AHCTF1: variants seen among roughly 807,000 people sequenced by gnomAD.
The protein encoded by AHCTF1 is AT-hook containing transcription factor 1, also known as protein ELYS.
Under a neutral mutation model 248.4 loss-of-function variants are expected in AHCTF1, and 24 were observed. The ratio of observed to expected loss-of-function variants is 0.10; its 90% confidence interval spans 0.07 to 0.14. The LOEUF is 0.14. AHCTF1 is among the 10% of genes least tolerant of loss of function. The probability of loss-of-function intolerance (pLI) is 1.00; values close to 1 mark genes in which losing one functional copy is unlikely to be tolerated. For synonymous variants in AHCTF1, 786 were observed against 929.8 expected (o/e 0.85, Z 2.81); for missense variants, 2,206 against 2,636.2 (o/e 0.84, Z 3.57).
intron 30 of AHCTF1, among the ~76,000 whole-genome samples, chr1:246,857,442 T>C (rs1297945166): frequency 6.6e-6 from 1 of 152,178 alleles, no homozygotes; most frequent in Non-Finnish European, 1.5e-5. Flanking sequence ...ATCTTGGTCT[T>C]CAACAAAAAC....
chr1:246,924,868 G>GGGT (rs10682985), intron 1 of AHCTF1, among the ~76,000 whole-genome samples: 83,957 of 151,548 alleles, frequency 0.55, 23,920 homozygotes, highest in African/African-American at 0.68. Flanking sequence ...CTAATATAAA[G>GGGT]GTGTGCATCA....
intron 21 of AHCTF1, among the ~76,000 whole-genome samples, chr1:246,878,684 T>C (rs1302084303): frequency 6.6e-6 from 1 of 152,178 alleles, no homozygotes; most frequent in Admixed American, 6.5e-5. Context: ...AATGGCAAGA[T>C]TGCACTGCCC....
At chr1:246,892,492 T>C (rs1306887729) in intron 14 of AHCTF1, among the ~76,000 whole-genome samples, 2 of 151,872 alleles carry the variant, frequency 1.3e-5, no homozygotes, top group Non-Finnish European at 2.9e-5. Flanking sequence ...AGCTAATTTT[T>C]GTATTTTTAG....
intron 1 of AHCTF1, among the ~76,000 whole-genome samples, chr1:246,921,639 T>C (rs1048599923): frequency 3.9e-5 from 6 of 152,034 alleles, no homozygotes; most frequent in African/African-American, 9.7e-5. Flanking sequence ...ATTCCCTGAG[T>C]CAGGAAGTCC....
At chr1:246,867,849 A>G (rs1174902889) in intron 24 of AHCTF1, 38 bp from the exon 25 acceptor site, 2 of 1,544,646 alleles carry the variant, frequency 1.3e-6, no homozygotes, top group Non-Finnish European at 1.8e-6. Context: ...GTGCATCTCT[A>G]ACAAACGGGA....
intron 7 of AHCTF1, 111 bp downstream of exon 7, chr1:246,903,838 A>T: frequency 5.5e-5 from 2 of 36,070 alleles, no homozygotes; most frequent in Non-Finnish European, 7.9e-5. Context: ...ACTCTGTCTC[A>T]AAAAAAAAAA....
chr1:246,867,311 G>C lies in AHCTF1; in HGVS notation c.3280C>G (p.Pro1094Ala). The C allele has an allele frequency of 6.2e-7, 1 of 1,603,440 alleles. No individual in the cohort carries two copies. Among genetic ancestry groups the C allele is most frequent in the East Asian group, 2.2e-5 (1 of 44,656 alleles). The change falls in exon 26 of 36, where the codon CCA (proline) becomes GCA (alanine). Residue 1094 changes from proline to alanine, a missense_variant. Pro to Ala is a conservative substitution (Grantham distance 27, BLOSUM62 -1). This residue lies in a region of AHCTF1 where 955 missense variants were observed against 1,055.6 expected (regional missense o/e 0.90). Coordinates refer to ENST00000648844, the MANE Select transcript of AHCTF1 (RefSeq NM_001323342.2). ...EEPSPIVYSL[P>A]APELPEAFFG... Reference sequence around the variant, plus strand: ...AATGCCTCAGGCAGCTCTGGAGCTGGGAGCGAATACACTATAGGAGATGGT... The same window carrying C: ...AATGCCTCAGGCAGCTCTGGAGCTGCGAGCGAATACACTATAGGAGATGGT...
chr1:246,916,704 C>T (rs1217074641), intron 2 of AHCTF1, among the ~76,000 whole-genome samples: 2 of 152,114 alleles, frequency 1.3e-5, no homozygotes, highest in Non-Finnish European at 2.9e-5. Context: ...ATGGTATGTG[C>T]TTGAATGTTA....
chr1:246,858,346 G>A (rs931186443), intron 29 of AHCTF1, among the ~76,000 whole-genome samples: 1 of 152,052 alleles, frequency 6.6e-6, no homozygotes, highest in African/African-American at 2.4e-5. Context: ...AGGCACTAAT[G>A]CAACTGTTTT....
Position 246,918,508 on chromosome 1 carries a change from C to A in AHCTF1, c.-7-131G>T, listed in dbSNP as rs369612509. 146 of 933,666 alleles carry A rather than the reference C, an allele frequency of 1.6e-4. No homozygotes were observed. In the African/African-American group the frequency reaches 2.1e-3, roughly 13 times the overall value. The allele number at this position is 933,666 out of a possible 1,614,324, so 57.8% of individuals were successfully genotyped here. ...AAAACTAAAATCTGGTTACAAAATA[C>A]ATATTGGCCAGATGCGGAGGCTCAC... is the stretch of plus-strand genomic sequence containing the variant. On this transcript the variant is annotated intron_variant, in intron 1 of 35. Coordinates refer to ENST00000648844, the MANE Select transcript of AHCTF1 (RefSeq NM_001323342.2).
intron 15 of AHCTF1, 67 bp downstream of exon 15, chr1:246,891,712 T>C: frequency 1.3e-6 from 2 of 1,525,322 alleles, no homozygotes; most frequent in Non-Finnish European, 1.8e-6. Context: ...TGGGAAATGT[T>C]ATTCGTTTCT....
chr1:246,857,782 A>G lies in AHCTF1; in HGVS notation c.4165T>C (p.Leu1389=). Reference sequence around the variant, plus strand: ...TCTGAAAATGCCTCTGCTGCAACTAAGAGATCCTTTGTTTCTGCATCTTCT... The same window carrying G: ...TCTGAAAATGCCTCTGCTGCAACTAGGAGATCCTTTGTTTCTGCATCTTCT... ...NLEDAETKDL[L]VAAEAFSELN... The change falls in exon 30 of 36, where the codon TTA becomes CTA. Residue 1389 remains leucine, a synonymous_variant. Coordinates refer to ENST00000648844, the MANE Select transcript of AHCTF1 (RefSeq NM_001323342.2). The G allele has an allele frequency of 2.5e-6, 4 of 1,613,346 alleles. 1 individual carries two copies. In the East Asian group the frequency reaches 8.9e-5, roughly 36 times the overall value.
intron 4 of AHCTF1, among the ~76,000 whole-genome samples, chr1:246,912,052 G>T (rs1033510457): frequency 1.4e-4 from 22 of 151,764 alleles, no homozygotes; most frequent in Non-Finnish European, 2.5e-4. Context: ...GTTTTAATCG[G>T]TTTTTTTATA....
intron 27 of AHCTF1, among the ~76,000 whole-genome samples, chr1:246,862,642 C>G (rs1378906891): frequency 2.0e-5 from 3 of 152,102 alleles, no homozygotes; most frequent in Non-Finnish European, 2.9e-5. Flanking sequence ...ATACGTAAGT[C>G]TACGAAACAT....
chr1:246,891,148 AT>A, intron 15 of AHCTF1, 88 bp from the exon 16 acceptor site: 3 of 721,336 alleles, frequency 4.2e-6, no homozygotes, highest in Non-Finnish European at 4.4e-6. Context: ...GGTAATTTAC[AT>A]AATTTGTAAA....
chr1:246,859,413 T>C (rs1031240830), intron 29 of AHCTF1, among the ~76,000 whole-genome samples: 1 of 152,180 alleles, frequency 6.6e-6, no homozygotes, highest in African/African-American at 2.4e-5. Flanking sequence ...GGATTCTAAG[T>C]GTTTGTCAGT....
intron 16 of AHCTF1, among the ~76,000 whole-genome samples, chr1:246,890,606 A>G: frequency 6.6e-6 from 1 of 152,140 alleles, no homozygotes; most frequent in East Asian, 1.9e-4. Flanking sequence ...TATTAAAAGG[A>G]CCATTACCAG....
At chr1:246,885,715 T>C (rs1295210809) in intron 20 of AHCTF1, 35 bp from the exon 21 acceptor site, 1 of 1,556,468 alleles carries the variant, frequency 6.4e-7, no homozygotes, top group Non-Finnish European at 8.7e-7. Flanking sequence ...AATATAAATA[T>C]AATCCTATAC....
Position 246,850,009 on chromosome 1 carries a change from C to A in AHCTF1, c.5997G>T (p.Lys1999Asn), listed in dbSNP as rs778162111. The A allele has an allele frequency of 6.2e-7, 1 of 1,613,494 alleles. No homozygotes were observed. The highest frequency in any genetic ancestry group is 8.5e-7 in the Non-Finnish European group (1 of 1,179,754). ...TCCTTCTAATGCTGGGAGCTTCTTT[C>A]TTCTTGGGGCTTCTCTCTTCCTTAA... ...KAVKEERSPK[K>N]KEAPSIRRRS... Residue 1999 changes from lysine (K) to asparagine (N), a missense_variant, in exon 33 of 36, where the codon AAG becomes AAT. Lys to Asn is a moderately conservative substitution (Grantham distance 94). This residue lies in a region of AHCTF1 where 469 missense variants were observed against 470.0 expected (regional missense o/e 1.00). Coordinates refer to ENST00000648844, the MANE Select transcript of AHCTF1 (RefSeq NM_001323342.2).
Sources: gnomAD v4.1 joint callset for allele counts (sites outside exome capture counted in the v4.1 genomes callset) on GRCh38, gnomAD v4.1.1 for gene constraint, gnomAD v4.1.1 regional missense constraint, MANE v1.5 for transcripts, NCBI Gene and HGNC (gene_info 2026-07-23, HGNC 2026-07-21) for gene names.